HECW1: variants seen among roughly 807,000 people sequenced by gnomAD.
HECW1 encodes E3 ubiquitin-protein ligase HECW1.
Under a neutral mutation model 182.3 loss-of-function variants are expected in HECW1, and 61 were observed. The observed-to-expected ratio is 0.33, with a 90% confidence interval of 0.27 to 0.41. The LOEUF is 0.41. Ranked by LOEUF, HECW1 falls within the 10% of genes least tolerant of loss-of-function variation. The pLI is 1.00. For missense variants in HECW1, 1,739 were observed against 2,108.9 expected (o/e 0.82, Z 3.44); for synonymous variants, 859 against 832.6 (o/e 1.03, Z -0.55).
chr7:43,334,761 C>T (rs868288324), intron 5 of HECW1, among the ~76,000 whole-genome samples: 3 of 152,308 alleles, frequency 2.0e-5, no homozygotes, highest in Non-Finnish European at 4.4e-5. Flanking sequence ...GAGAACCCAC[C>T]TTAGAGGGGA....
intron 2 of HECW1, among the ~76,000 whole-genome samples, chr7:43,161,267 G>C (rs1790498271): frequency 6.6e-6 from 1 of 152,002 alleles, no homozygotes; most frequent in Non-Finnish European, 1.5e-5. Flanking sequence ...TAATGCTATT[G>C]GTACAATTAT....
At position 43,320,642 on chromosome 7, in the gene HECW1, C is replaced by T. The variant is rs1336729921; in HGVS notation, c.360C>T (p.Val120=). ...DWIGMYLIDE[V]LSENFLDYKN... is the part of the protein sequence containing the mutation. ...CTTCCTCTGGGAATATAGATGAGGT[C>T]TTGTCCGAAAACTTTCTGGACTATA... Residue 120 remains valine, a synonymous_variant, in exon 5 of 30, where the codon GTC becomes GTT. Transcript: ENST00000395891. 6.2e-7 allele frequency: 1 copy of T among 1,611,734 alleles called. No homozygotes were observed. Among genetic ancestry groups the T allele is most frequent in the African/African-American group, 1.3e-5 (1 of 74,994 alleles).
rs576522724 is a variant in HECW1, at chr7:43,326,522, A to G, written c.460+5780A>G. Among the ~76,000 whole-genome samples, 416 of 152,338 alleles carry G rather than the reference A, an allele frequency of 2.7e-3. 1 individual carries two copies. The highest frequency in any genetic ancestry group is 4.6e-3 in the Non-Finnish European group (313 of 68,034). Reference sequence around the variant, plus strand: ...AAGGCGGCCCCATGAAGATGACCTGAAAAAACTCAGGAGAAGTGCCCAGCC... The same window carrying G: ...AAGGCGGCCCCATGAAGATGACCTGGAAAAACTCAGGAGAAGTGCCCAGCC... On this transcript the variant is annotated intron_variant, in intron 5 of 29. Transcript: ENST00000395891.
intron 2 of HECW1, among the ~76,000 whole-genome samples, chr7:43,184,276 G>C (rs1793158914): frequency 6.6e-6 from 1 of 152,186 alleles, no homozygotes; most frequent in Non-Finnish European, 1.5e-5. Flanking sequence ...GCTTCCCAAA[G>C]TGCTGGGATT....
intron 5 of HECW1, among the ~76,000 whole-genome samples, chr7:43,351,863 T>A (rs1190725245): frequency 6.6e-6 from 1 of 152,136 alleles, no homozygotes; most frequent in Non-Finnish European, 1.5e-5. Context: ...TAACCTCAAT[T>A]GAATTTCAAG....
At chr7:43,315,125 A>C (rs1399698727) in intron 4 of HECW1, among the ~76,000 whole-genome samples, 2 of 152,224 alleles carry the variant, frequency 1.3e-5, no homozygotes, top group Non-Finnish European at 2.9e-5. Context: ...CTGTTCTGAC[A>C]TAAGAGGGGG....
chr7:43,426,378 T>C (rs145695886), intron 8 of HECW1, among the ~76,000 whole-genome samples: 11 of 152,300 alleles, frequency 7.2e-5, no homozygotes, highest in Non-Finnish European at 1.6e-4. Context: ...AAAAGGTGAA[T>C]GTCAAAAGTC....
intron 2 of HECW1, among the ~76,000 whole-genome samples, chr7:43,221,379 A>G (rs960360184): frequency 4.6e-5 from 7 of 151,988 alleles, no homozygotes; most frequent in Admixed American, 4.6e-4. Context: ...GTACCAATCA[A>G]TCAGAGAAGA....
rs777392756 is a variant in HECW1, at chr7:43,444,377, C to G, written c.1205C>G (p.Pro402Arg). 2.5e-6 allele frequency: 4 copies of G among 1,614,050 alleles called. No homozygotes were observed. Among genetic ancestry groups the G allele is most frequent in the Middle Eastern group, 1.6e-4 (1 of 6,062 alleles). ...KPEQLGEGSVPDGPGNQSIEL... is the reference protein window; with the variant it reads ...KPEQLGEGSVRDGPGNQSIEL... ...GAGCAGCTGGGTGAGGGCAGTGTCC[C>G]CGATGGTCCAGGGAACCAAAGCATA... The change falls in exon 11 of 30, where the codon CCC (proline) becomes CGC (arginine). Residue 402 changes from proline to arginine, a missense_variant. Pro to Arg is a moderately radical substitution (Grantham distance 103, BLOSUM62 -2). This residue lies in a region of HECW1 where 971 missense variants were observed against 1,029.1 expected (regional missense o/e 0.94). Coordinates refer to ENST00000395891, the MANE Select transcript of HECW1 (RefSeq NM_015052.5). The surrounding 1 kb of genome is among the most constrained non-coding windows in gnomAD (Gnocchi z 4.3).
At chr7:43,293,328 C>T (rs1805653351) in intron 3 of HECW1, among the ~76,000 whole-genome samples, 1 of 152,044 alleles carries the variant, frequency 6.6e-6, no homozygotes, top group Non-Finnish European at 1.5e-5. Context: ...ACAGAATCTT[C>T]TTGGGTTCAA....
At chr7:43,259,345 G>A (rs11770215) in intron 3 of HECW1, among the ~76,000 whole-genome samples, 1 of 151,086 alleles carries the variant, frequency 6.6e-6, no homozygotes, top group Non-Finnish European at 1.5e-5. Flanking sequence ...TGAGATCGCA[G>A]TGCTGCGCTC....
chr7:43,358,752 T>C (rs1299877986), intron 5 of HECW1, among the ~76,000 whole-genome samples: 3 of 151,808 alleles, frequency 2.0e-5, no homozygotes, highest in African/African-American at 4.8e-5. Flanking sequence ...CATTTCCTGA[T>C]AGAAGTGTAA....
chr7:43,158,635 T>C (rs1244848487), intron 2 of HECW1, among the ~76,000 whole-genome samples: 1 of 152,190 alleles, frequency 6.6e-6, no homozygotes, highest in Non-Finnish European at 1.5e-5. Context: ...AATGAGGGCA[T>C]GTGCCACACA....
intron 25 of HECW1, 113 bp from the exon 26 acceptor site, chr7:43,541,756 A>G (rs565014580): frequency 1.5e-5 from 15 of 980,622 alleles, no homozygotes; most frequent in East Asian, 1.2e-4. Flanking sequence ...AAAGTATCCA[A>G]TTGTTAGGAT....
intron 12 of HECW1, among the ~76,000 whole-genome samples, chr7:43,455,297 G>A (rs2077364913): frequency 6.6e-6 from 1 of 152,100 alleles, no homozygotes; most frequent in Admixed American, 6.5e-5. Flanking sequence ...AATATACACT[G>A]TTAATTAACA....
intron 3 of HECW1, among the ~76,000 whole-genome samples, chr7:43,308,134 A>T (rs1403817897): frequency 4.8e-5 from 5 of 103,712 alleles, no homozygotes; most frequent in African/African-American, 2.1e-4. Context: ...ATTTATATAT[A>T]ATATATTATA....
chr7:43,507,307 C>G (rs753344684), intron 22 of HECW1, 50 bp downstream of exon 22: 2 of 1,574,022 alleles, frequency 1.3e-6, no homozygotes, highest in African/African-American at 2.7e-5. Context: ...ATTTTTCAAT[C>G]CCTTTCTCCC....
intron 8 of HECW1, among the ~76,000 whole-genome samples, chr7:43,417,185 G>A (rs1242911199): frequency 6.6e-6 from 1 of 152,044 alleles, no homozygotes; most frequent in African/African-American, 2.4e-5. Context: ...CGAGTAGCTG[G>A]GATTACAGGC....
At chr7:43,538,025 G>C (rs1394205397) in intron 24 of HECW1, among the ~76,000 whole-genome samples, 1 of 152,302 alleles carries the variant, frequency 6.6e-6, no homozygotes, top group Middle Eastern at 3.4e-3. Context: ...TTGCTGCAAA[G>C]TGGTCCTTGC....
Sources: allele counts gnomAD v4.1 joint callset (sites outside exome capture counted in the v4.1 genomes callset), GRCh38; gene constraint gnomAD v4.1.1; regional missense constraint gnomAD v4.1.1; non-coding constraint Gnocchi (gnomAD v3.1); transcripts MANE v1.5; gene names NCBI Gene and HGNC (gene_info 2026-07-23, HGNC 2026-07-21).